GDA: variants seen among roughly 807,000 people sequenced by gnomAD.
The protein encoded by GDA is guanine deaminase.
GDA carries 18 observed loss-of-function variants against 59.6 expected under a neutral mutation model. The ratio of observed to expected loss-of-function variants is 0.30; its 90% CI spans 0.21 to 0.45. GDA has a LOEUF of 0.45. GDA is among the 20% of genes least tolerant of loss of function. The pLI is 1.00. For synonymous variants in GDA, 201 were observed against 201.1 expected, an observed-to-expected ratio of 1.00 and a Z score of 0.00; for missense variants, 427 against 552.3, an observed-to-expected ratio of 0.77 and a Z score of 2.27.
At chr9:72,248,128 A>G in intron 13 of GDA, 144 bp from the exon 14 acceptor site, 1 of 663,728 alleles carries the variant, frequency 1.5e-6, no homozygotes, top group Non-Finnish European at 2.7e-6. Context: ...TGTTCAGATT[A>G]TAAACAATCT....
At chr9:72,188,371 G>A (rs957524538) in intron 1 of GDA, among the ~76,000 whole-genome samples, 10 of 152,156 alleles carry the variant, frequency 6.6e-5, no homozygotes, top group Non-Finnish European at 1.2e-4. Context: ...TGCCCAGACC[G>A]ACCTCACATC....
At chr9:72,158,756 T>G (rs1473200134) in intron 1 of GDA, among the ~76,000 whole-genome samples, 1 of 152,130 alleles carries the variant, frequency 6.6e-6, no homozygotes, top group African/African-American at 2.4e-5. Context: ...TGATTTAAAG[T>G]TTTTGGAAAA....
chr9:72,185,648 G>A (rs1291788746), intron 1 of GDA, among the ~76,000 whole-genome samples: 1 of 152,108 alleles, frequency 6.6e-6, no homozygotes, highest in Admixed American at 6.6e-5. Context: ...TTGTATAATA[G>A]ATTGAAATAT....
intron 6 of GDA, among the ~76,000 whole-genome samples, chr9:72,222,375 GTGTC>G (rs1294940856): frequency 6.6e-6 from 1 of 152,118 alleles, no homozygotes; most frequent in Non-Finnish European, 1.5e-5. Flanking sequence ...ACAGTGAAAA[GTGTC>G]TGTTCATGTG....
chr9:72,216,896 C>A (rs570118794), intron 5 of GDA, among the ~76,000 whole-genome samples: 65 of 152,202 alleles, frequency 4.3e-4, no homozygotes, highest in African/African-American at 1.5e-3. Context: ...AGGATGCTCT[C>A]GATCTCCTGA....
chr9:72,257,994 AAGAG>A (rs1840905317), downstream of GDA, among the ~76,000 whole-genome samples: 1 of 151,250 alleles, frequency 6.6e-6, no homozygotes, highest in Non-Finnish European at 1.5e-5. Flanking sequence ...GTGACATACT[AAGAG>A]AGGGAGATGT....
In GDA at chr9:72,198,861, A is replaced by ATATATATATATATATATATATATATAT. The variant is rs1491123372; in HGVS notation, c.212+3273_212+3274insTATATATATATATATATATATATATAT. 1.7e-3 allele frequency among the ~76,000 whole-genome samples: 252 copies of ATATATATATATATATATATATATATAT among 147,748 alleles called. 5 individuals are homozygous for ATATATATATATATATATATATATATAT. Among genetic ancestry groups the ATATATATATATATATATATATATATAT allele is most frequent in the African/African-American group, 5.7e-3 (219 of 38,180 alleles). The stretch of plus-strand genomic sequence containing the variant: ...TATATAGGGGGATATATATATATAT[A>ATATATATATATATATATATATATATAT]AAATTTTTTTTGCTCAGGTTATGAT... On this transcript the variant is annotated intron_variant, in intron 2 of 13. Transcript: ENST00000358399.
chr9:72,126,510 T>C (rs887379478), intron 1 of GDA, among the ~76,000 whole-genome samples: 3 of 151,646 alleles, frequency 2.0e-5, no homozygotes, highest in Non-Finnish European at 2.9e-5. Context: ...AGATAGGAAT[T>C]ATAGGAACTA....
intron 1 of GDA, among the ~76,000 whole-genome samples, chr9:72,126,300 T>C (rs1203331841): frequency 6.6e-6 from 1 of 152,226 alleles, no homozygotes; most frequent in African/African-American, 2.4e-5. Context: ...TTTGTTCGTT[T>C]ATCTGTCCAT....
rs778655615 is a variant in GDA, at chr9:72,245,228, G to A, written c.1216G>A (p.Asp406Asn). 18 of 1,611,836 alleles carry A rather than the reference G, an allele frequency of 1.1e-5. No homozygotes were observed. Among genetic ancestry groups the A allele is most frequent in the Non-Finnish European group, 1.4e-5 (16 of 1,178,104 alleles). The change falls in exon 12 of 14, where the codon GAC becomes AAC. Residue 406 changes from aspartate (D) to asparagine (N), a missense_variant. Transcript: ENST00000358399. ...CATCCTGATCAACCCCAAAGCATCC[G>A]ACTCTCCCATTGACCTGTTTTATGG... The part of the protein sequence containing the change: ...DAILINPKAS[D>N]SPIDLFYGDF...
At chr9:72,150,108 A>G (rs1440068959) in intron 1 of GDA, among the ~76,000 whole-genome samples, 1 of 152,188 alleles carries the variant, frequency 6.6e-6, no homozygotes, top group Admixed American at 6.5e-5. Context: ...TTATTGTGAA[A>G]GAAATAAGAG....
chr9:72,225,807 A>G (rs1325839084), intron 8 of GDA, 23 bp downstream of exon 8: 3 of 912,994 alleles, frequency 3.3e-6, no homozygotes, highest in South Asian at 3.0e-5. Context: ...TCATGACATA[A>G]TCTGTTTAAA....
intron 3 of GDA, among the ~76,000 whole-genome samples, chr9:72,208,574 G>A (rs903107925): frequency 4.6e-5 from 7 of 151,990 alleles, no homozygotes; most frequent in South Asian, 4.1e-4. Flanking sequence ...TCTTTCCTGC[G>A]TTTAATGCCC....
chr9:72,162,112 G>C (rs1405814651), intron 1 of GDA, among the ~76,000 whole-genome samples: 1 of 152,120 alleles, frequency 6.6e-6, no homozygotes, highest in Non-Finnish European at 1.5e-5. Flanking sequence ...CTGGTTCCTA[G>C]ATGAGTGGGG....
intron 1 of GDA, among the ~76,000 whole-genome samples, chr9:72,170,973 T>C (rs1458986362): frequency 6.6e-6 from 1 of 152,086 alleles, no homozygotes; most frequent in Non-Finnish European, 1.5e-5. Flanking sequence ...TGCACCACCA[T>C]GCCTAGCTAA....
At chr9:72,206,989 A>G (rs1003954072) in intron 3 of GDA, among the ~76,000 whole-genome samples, 6 of 151,798 alleles carry the variant, frequency 4.0e-5, no homozygotes, top group African/African-American at 1.5e-4. Flanking sequence ...AGAGAATTCT[A>G]TTTGAAATTA....
chr9:72,191,272 T>C (rs1416557716), intron 1 of GDA, among the ~76,000 whole-genome samples: 1 of 152,306 alleles, frequency 6.6e-6, no homozygotes, highest in East Asian at 1.9e-4. Flanking sequence ...GCGTGCCTTG[T>C]TCCAGTACTG....
intron 1 of GDA, among the ~76,000 whole-genome samples, chr9:72,157,691 C>T (rs1325015620): frequency 6.6e-6 from 1 of 152,164 alleles, no homozygotes; most frequent in Admixed American, 6.5e-5. Context: ...TTTTCTTGGA[C>T]CATGGGTAGT....
At chr9:72,131,878 T>A (rs1200090800) in intron 1 of GDA, among the ~76,000 whole-genome samples, 1 of 152,112 alleles carries the variant, frequency 6.6e-6, no homozygotes, top group Non-Finnish European at 1.5e-5. Flanking sequence ...TACCCAAGCC[T>A]GGAAAGAAAA....
Sources: gnomAD v4.1 joint callset for allele counts (sites outside exome capture counted in the v4.1 genomes callset) on GRCh38, gnomAD v4.1.1 for gene constraint, MANE v1.5 for transcripts, NCBI Gene and HGNC (gene_info 2026-07-23, HGNC 2026-07-21) for gene names.